CSRNP1: variants seen among roughly 807,000 people sequenced by gnomAD.
CSRNP1 encodes cysteine/serine-rich nuclear protein 1.
In CSRNP1, 8 loss-of-function variants were observed where a neutral mutation model predicts 25.0. The observed-to-expected ratio is 0.32, with a 90% CI of 0.19 to 0.58. CSRNP1 has a LOEUF of 0.58. Ranked by LOEUF, CSRNP1 falls within the 20% of genes least tolerant of loss-of-function variation. The pLI, the probability that CSRNP1 is intolerant of heterozygous loss-of-function variation, is 0.88. For missense variants in CSRNP1, 691 were observed against 773.1 expected (o/e 0.89, Z 1.26); for synonymous variants, 305 against 303.1 (o/e 1.01, Z -0.06).
chr3:39,152,760 G>GA (rs1317068008), intron 1 of CSRNP1: 4 of 154,594 alleles, frequency 2.6e-5, no homozygotes, highest in Admixed American at 2.0e-4. Flanking sequence ...ACGTGCTGCG[G>GA]AAGGAGGAGA....
Position 39,146,653 on chromosome 3 carries a change from G to A in CSRNP1, c.30C>T (p.Asp10=). 2.5e-6 allele frequency: 4 copies of A among 1,569,040 alleles called. No homozygotes were observed. Among genetic ancestry groups the A allele is most frequent in the East Asian group, 2.4e-5 (1 of 42,104 alleles). Residue 10 remains aspartate, a synonymous_variant, in exon 2 of 5, where the codon GAC becomes GAT. Coordinates refer to ENST00000273153, the MANE Select transcript of CSRNP1 (RefSeq NM_033027.4). ...CCGAGGAGTTGTCCTCATCCAGCTGGTCAAATTTCCTCTTCAACAGCCCAG... is the reference window on the plus strand; with the variant it reads ...CCGAGGAGTTGTCCTCATCCAGCTGATCAAATTTCCTCTTCAACAGCCCAG... The part of the protein sequence containing the change: MTGLLKRKF[D]QLDEDNSSVS...
chr3:39,146,160 T>C (rs924189508), intron 2 of CSRNP1, among the ~76,000 whole-genome samples: 1 of 152,058 alleles, frequency 6.6e-6, no homozygotes, highest in Non-Finnish European at 1.5e-5. Flanking sequence ...ACTCCAGCAG[T>C]TCCATTTGTA....
chr3:39,146,695 C>A lies in CSRNP1; in HGVS notation c.-13G>T, dbSNP rs989523471. 1.9e-6 allele frequency: 3 copies of A among 1,555,704 alleles called. No individual in the cohort carries two copies. The highest frequency in any genetic ancestry group is 2.6e-6 in the Non-Finnish European group (3 of 1,149,626). On this transcript the variant is annotated 5_prime_UTR_variant, in exon 2 of 5. Transcript: ENST00000273153. ...ACAGCCCAGTCATGGTGGTGCCGGACGTGCTCTGGGGTCTGGGGACAGACA... is the reference window on the plus strand; with the variant it reads ...ACAGCCCAGTCATGGTGGTGCCGGAAGTGCTCTGGGGTCTGGGGACAGACA...
At chr3:39,147,047 AC>A (rs2039522828) in intron 1 of CSRNP1, among the ~76,000 whole-genome samples, 2 of 336 alleles carry the variant, frequency 6.0e-3, no homozygotes, top group Non-Finnish European at 0.015. Context: ...CATACACAAA[AC>A]ACACACACAC....
At chr3:39,144,093 A>T (rs369652098) in intron 4 of CSRNP1, 44 bp downstream of exon 4, 400 of 1,606,038 alleles carry the variant, frequency 2.5e-4, no homozygotes, top group Non-Finnish European at 3.2e-4. Context: ...GAGTGCAAAG[A>T]AGTCCCCACG....
Position 39,143,485 on chromosome 3 carries a change from C to G in CSRNP1, c.1340G>C (p.Cys447Ser). 1 of 1,614,174 alleles carries G rather than the reference C, an allele frequency of 6.2e-7. No individual in the cohort carries two copies. The highest frequency in any genetic ancestry group is 8.5e-7 in the Non-Finnish European group (1 of 1,179,984). The change falls in exon 5 of 5, where the codon TGT becomes TCT. Residue 447 changes from cysteine (C) to serine (S), a missense_variant. By Grantham distance (112) the Cys-to-Ser change is moderately radical. Coordinates refer to ENST00000273153, the MANE Select transcript of CSRNP1 (RefSeq NM_033027.4). ...LASWTHSYSG[C>S]SFTSGVLDEN... ...ATCCAGGACGCCTGATGTGAAGCTA[C>G]AGCCAGAATAGCTGTGGGTCCAGCT...
rs544415285 is a variant in CSRNP1 at position 39,142,379 on chromosome 3, T to C, written c.*676A>G. 2.0e-5 allele frequency: 3 copies of C among 152,822 alleles called. No individual in the cohort carries two copies. Among genetic ancestry groups the C allele is most frequent in the African/African-American group, 7.2e-5 (3 of 41,450 alleles). 9.5% of individuals were successfully genotyped at this position (152,822 alleles called of 1,614,324 possible). ...AGCCCAGGCTCTCCCCCTGCCTAGA[T>C]GATGTCCTTGGCCAGCACCTGCCCA... On this transcript the variant is annotated 3_prime_UTR_variant, in exon 5 of 5. Coordinates refer to ENST00000273153, the MANE Select transcript of CSRNP1 (RefSeq NM_033027.4).
chr3:39,145,066 TTGCTC>T lies in CSRNP1; in HGVS notation c.391_395del (p.Glu131SerfsTer44), dbSNP rs772116804. Reference sequence around the variant, plus strand: ...GGAGCTTCTCGTGCCGTGCACGGGCTTGCTCCTGCGCAAACTCAGCCAAAGAGAAG... The same window carrying T: ...GGAGCTTCTCGTGCCGTGCACGGGCTCTGCGCAAACTCAGCCAAAGAGAAG... On this transcript the variant is annotated frameshift_variant, in exon 3 of 5. Transcript: ENST00000273153. LOFTEE classifies it high-confidence loss of function. The T allele has an allele frequency of 6.2e-7, 1 of 1,614,248 alleles. No individual in the cohort carries two copies. Among genetic ancestry groups the T allele is most frequent in the Non-Finnish European group, 8.5e-7 (1 of 1,180,036 alleles).
At chr3:39,148,820 A>G (rs74397337) in intron 1 of CSRNP1, 1 of 50,858 alleles carries the variant, frequency 2.0e-5, no homozygotes, top group East Asian at 1.4e-3. Flanking sequence ...AGGAGGTATC[A>G]TGGAGGCCAC....
rs1414894241 is a variant in CSRNP1 at position 39,142,204 on chromosome 3, C to G, written c.*851G>C. 6.6e-6 allele frequency: 1 copy of G among 152,328 alleles called. No homozygotes were observed. Among genetic ancestry groups the G allele is most frequent in the Non-Finnish European group, 1.5e-5 (1 of 68,076 alleles). 9.4% of individuals were successfully genotyped at this position (152,328 alleles called of 1,614,324 possible). ...CGCGCCCCGAGGTAGGCCCTTTGCCCTCTCTGGGCTTCCTGTTTCCTCCTT... is the reference window on the plus strand; with the variant it reads ...CGCGCCCCGAGGTAGGCCCTTTGCCGTCTCTGGGCTTCCTGTTTCCTCCTT... On this transcript the variant is annotated 3_prime_UTR_variant, in exon 5 of 5. Coordinates refer to ENST00000273153, the MANE Select transcript of CSRNP1 (RefSeq NM_033027.4).
At chr3:39,144,572 T>C (rs1184912162) in intron 3 of CSRNP1, 121 bp from the exon 4 acceptor site, 4 of 959,858 alleles carry the variant, frequency 4.2e-6, no homozygotes, top group African/African-American at 3.3e-5. Flanking sequence ...TAATCTGCGA[T>C]GGGCACTGTG....
At chr3:39,144,912 C>T in intron 3 of CSRNP1, 85 bp downstream of exon 3, 4 of 1,450,640 alleles carry the variant, frequency 2.8e-6, no homozygotes, top group Admixed American at 2.2e-5. Flanking sequence ...AGCAAGTCAG[C>T]ACCCACCCCT....
In CSRNP1 at chr3:39,143,560, C is replaced by T. The variant is rs771368470; in HGVS notation, c.1265G>A (p.Cys422Tyr). ...GSVGNLDNLS[C>Y]FHPADIFGTS... ...ACCAAAGATGTCAGCTGGATGGAAG[C>T]AGCTGAGGTTGTCCAGGTTCCCCAC... Residue 422 changes from cysteine (C) to tyrosine (Y), a missense_variant, in exon 5 of 5, where the codon TGC becomes TAC. Physicochemically the swap from Cys to Tyr is radical, Grantham distance 194. Coordinates refer to ENST00000273153, the MANE Select transcript of CSRNP1 (RefSeq NM_033027.4). 1.9e-6 allele frequency: 3 copies of T among 1,614,236 alleles called. No homozygotes were observed. Among genetic ancestry groups the T allele is most frequent in the Non-Finnish European group, 2.5e-6 (3 of 1,180,042 alleles).
At position 39,143,604 on chromosome 3, in the gene CSRNP1, C is replaced by T. The variant is rs765144765; in HGVS notation, c.1221G>A (p.Glu407=). The change falls in exon 5 of 5, where the codon GAG becomes GAA. Residue 407 remains glutamate, a synonymous_variant. Transcript: ENST00000273153. Reference sequence around the variant, plus strand: ...TCCCCACGCTCCCTTCCTCCTCTTCCTCCTCCTCCCCACCGAAGTCAGAGT... The same window carrying T: ...TCCCCACGCTCCCTTCCTCCTCTTCTTCCTCCTCCCCACCGAAGTCAGAGT... ...FSDSDFGGEE[E]EEEEGSVGNL... 1 of 1,610,760 alleles carries T rather than the reference C, an allele frequency of 6.2e-7. No homozygotes were observed. Among genetic ancestry groups the T allele is most frequent in the Non-Finnish European group, 8.5e-7 (1 of 1,177,354 alleles).
Position 39,143,320 on chromosome 3 carries a change from C to G in CSRNP1, c.1505G>C (p.Cys502Ser), listed in dbSNP as rs947381174. 1 of 1,614,184 alleles carries G rather than the reference C, an allele frequency of 6.2e-7. No individual in the cohort carries two copies. The highest frequency in any genetic ancestry group is 1.3e-5 in the African/African-American group (1 of 75,056). The change falls in exon 5 of 5, where the codon TGT (cysteine) becomes TCT (serine). Residue 502 changes from cysteine to serine, a missense_variant. Coordinates refer to ENST00000273153, the MANE Select transcript of CSRNP1 (RefSeq NM_033027.4). Reference protein sequence around the residue: ...SSSVDLSLSSCDSFELLQALP... With the variant: ...SSSVDLSLSSSDSFELLQALP... ...AGCCTGGAGTAACTCAAAGGAGTCA[C>G]AAGAAGACAAGCTGAGATCCACTGA...
In CSRNP1 at chr3:39,143,245, T is replaced by C. The variant is rs1445699545; in HGVS notation, c.1580A>G (p.Asp527Gly). The C allele has an allele frequency of 1.2e-6, 2 of 1,614,190 alleles. No individual in the cohort carries two copies. Among genetic ancestry groups the C allele is most frequent in the Admixed American group, 3.3e-5 (2 of 60,032 alleles). ...GPHYTSQKVS[D>G]SLDNIEAPHF... ...AGGTGCCTCGATGTTGTCCAGGCTG[T>C]CAGACACCTTCTGTGATGTGTAGTG... Residue 527 changes from aspartate to glycine, a missense_variant, in exon 5 of 5, where the codon GAC becomes GGC. Coordinates refer to ENST00000273153, the MANE Select transcript of CSRNP1 (RefSeq NM_033027.4).
intron 1 of CSRNP1, chr3:39,152,223 A>T (rs1042950387): frequency 6.6e-6 from 1 of 152,634 alleles, no homozygotes; most frequent in Non-Finnish European, 1.5e-5. Flanking sequence ...GGTAAGGAAC[A>T]GGAGGAGGGA....
intron 1 of CSRNP1, 74 bp downstream of exon 1, chr3:39,153,364 G>A (rs982712088): frequency 1.6e-4 from 31 of 196,172 alleles, no homozygotes; most frequent in Non-Finnish European, 2.6e-4. Flanking sequence ...AGGCAGGAGC[G>A]GCAGTGCCAC....
chr3:39,153,440 G>A lies in CSRNP1; in HGVS notation c.-43C>T. ...GCCCGAGGCCCCTCGGCGCTCACCT[G>A]CAATCCGGACGCTCGCGGAGGACAA... On this transcript the variant is annotated splice_region_variant and 5_prime_UTR_variant, in exon 1 of 5. Coordinates refer to ENST00000273153, the MANE Select transcript of CSRNP1 (RefSeq NM_033027.4). 1 of 330,344 alleles carries A rather than the reference G, an allele frequency of 3.0e-6. No individual in the cohort carries two copies. Among genetic ancestry groups the A allele is most frequent in the Non-Finnish European group, 6.3e-6 (1 of 159,040 alleles). 20.5% of individuals were successfully genotyped at this position (330,344 alleles called of 1,614,324 possible). A position where few individuals can be genotyped will look rare whatever the true frequency, so the allele number is the denominator to read the frequency against.
Sources: allele counts gnomAD v4.1 joint callset (sites outside exome capture counted in the v4.1 genomes callset), GRCh38; gene constraint gnomAD v4.1.1; transcripts MANE v1.5; gene names NCBI Gene and HGNC (gene_info 2026-07-23, HGNC 2026-07-21).